Variants in LRRC28 observed in about 807,000 individuals in gnomAD.
The protein encoded by LRRC28 is leucine-rich repeat-containing protein 28.
LRRC28 carries 39 observed loss-of-function variants against 45.7 expected under a neutral mutation model. That is an observed-to-expected ratio of 0.85 (90% CI 0.66 to 1.12). The LOEUF is 1.12. Ranked by LOEUF, LRRC28 falls within the 50% of genes most tolerant of loss-of-function variation. The probability of loss-of-function intolerance (pLI) is 0.00; values close to 1 mark genes in which losing one functional copy is unlikely to be tolerated. For synonymous variants in LRRC28, 206 were observed against 178.8 expected (o/e 1.15, Z -1.22); for missense variants, 435 against 438.5 (o/e 0.99, Z 0.07).
At chr15:99,301,914 T>C (rs1393289368) in intron 5 of LRRC28, among the ~76,000 whole-genome samples, 1 of 152,198 alleles carries the variant, frequency 6.6e-6, no homozygotes, top group African/African-American at 2.4e-5. Context: ...ATTTACAATG[T>C]GTGTTCCATA....
intron 6 of LRRC28, among the ~76,000 whole-genome samples, chr15:99,338,954 A>G (rs183791833): frequency 1.3e-5 from 2 of 152,312 alleles, no homozygotes; most frequent in African/African-American, 4.8e-5. Flanking sequence ...AGAAGATTCT[A>G]CAGATAGAAG....
intron 9 of LRRC28, among the ~76,000 whole-genome samples, chr15:99,380,934 A>G (rs936095102): frequency 2.6e-5 from 4 of 152,136 alleles, no homozygotes; most frequent in Non-Finnish European, 4.4e-5. Context: ...TTTGTGGGTA[A>G]CCCGACCTTT....
chr15:99,266,211 G>A (rs6598231), intron 2 of LRRC28, among the ~76,000 whole-genome samples: 123,240 of 152,186 alleles, frequency 0.81, 50,131 homozygotes, highest in African/African-American at 0.9. Flanking sequence ...TTTCTTTCCT[G>A]TTAGCCCAGG....
chr15:99,377,624 A>G (rs1169205645), intron 9 of LRRC28, among the ~76,000 whole-genome samples: 1 of 152,044 alleles, frequency 6.6e-6, no homozygotes, highest in Non-Finnish European at 1.5e-5. Flanking sequence ...GCCCATGCCT[A>G]TGTCCTGAAT....
At chr15:99,271,753 C>T (rs1217731461) in intron 2 of LRRC28, among the ~76,000 whole-genome samples, 2 of 152,148 alleles carry the variant, frequency 1.3e-5, no homozygotes, top group African/African-American at 2.4e-5. Context: ...CATGCCACCA[C>T]GCCCGGCTAA....
intron 5 of LRRC28, among the ~76,000 whole-genome samples, chr15:99,312,412 C>T (rs924474170): frequency 2.6e-5 from 4 of 152,184 alleles, no homozygotes; most frequent in Non-Finnish European, 4.4e-5. Context: ...TCTTTTCCCA[C>T]CAGAAGGTCT....
rs1050158821 is a variant in LRRC28, at chr15:99,389,168, A to C, written c.*3066A>C. ...TCTCTTCTGGAAAAGTGAGGTGTAC[A>C]TTAAACATCTTTTGGTCACCGTGCC... On this transcript the variant is annotated 3_prime_UTR_variant, in exon 10 of 10. Coordinates refer to ENST00000301981, the MANE Select transcript of LRRC28 (RefSeq NM_144598.5). 3 of 152,230 alleles carry C rather than the reference A, an allele frequency of 2.0e-5. No homozygotes were observed. Among genetic ancestry groups the C allele is most frequent in the African/African-American group, 7.2e-5 (3 of 41,448 alleles). The allele number at this position is 152,230 out of a possible 1,614,324, so 9.4% of individuals were successfully genotyped here. A position where few individuals can be genotyped will look rare whatever the true frequency, so the allele number is the denominator to read the frequency against.
rs537236483 is a variant in LRRC28 at position 99,318,336 on chromosome 15, T to G, written c.386-15587T>G. Among the ~76,000 whole-genome samples, 5 of 152,234 alleles carry G rather than the reference T, an allele frequency of 3.3e-5. No homozygotes were observed. The South Asian group carries it at 1.0e-3, about 32-fold the overall frequency. ...AATTCTTAGCTAAAGTAAATACAAC[T>G]AATAAATAAAAATATAACAGGTGCT... On this transcript the variant is annotated intron_variant, in intron 5 of 9. Transcript: ENST00000301981.
At chr15:99,354,294 G>A (rs976286110) in intron 7 of LRRC28, among the ~76,000 whole-genome samples, 1 of 152,128 alleles carries the variant, frequency 6.6e-6, no homozygotes, top group African/African-American at 2.4e-5. Context: ...ATACTTCTAT[G>A]GCAAAATGTG....
In LRRC28 at chr15:99,306,913, C is replaced by G. The variant is rs918562028; in HGVS notation, c.385+18962C>G. Among the ~76,000 whole-genome samples, 3 of 152,338 alleles carry G rather than the reference C, an allele frequency of 2.0e-5. No individual in the cohort carries two copies. In the South Asian group the frequency reaches 6.2e-4, roughly 32 times the overall value. On this transcript the variant is annotated intron_variant, in intron 5 of 9. Transcript: ENST00000301981. ...TGCTGGTGCGTCTTGTCTGGCACATCTTTGGTCCTTTTCGGGTCCATTGCC... is the reference window on the plus strand; with the variant it reads ...TGCTGGTGCGTCTTGTCTGGCACATGTTTGGTCCTTTTCGGGTCCATTGCC...
intron 5 of LRRC28, among the ~76,000 whole-genome samples, chr15:99,296,504 T>G (rs552201216): frequency 6.6e-6 from 1 of 152,298 alleles, no homozygotes; most frequent in East Asian, 1.9e-4. Flanking sequence ...TGATTACACA[T>G]CAGTCTGGTA....
intron 5 of LRRC28, among the ~76,000 whole-genome samples, chr15:99,326,824 T>C (rs887935485): frequency 3.3e-5 from 5 of 152,214 alleles, no homozygotes; most frequent in South Asian, 2.1e-4. Context: ...TTTGCACTTA[T>C]GTTCATGAGG....
At chr15:99,327,738 T>C (rs1371487505) in intron 5 of LRRC28, among the ~76,000 whole-genome samples, 2 of 152,084 alleles carry the variant, frequency 1.3e-5, no homozygotes, top group African/African-American at 2.4e-5. Flanking sequence ...TCTACTCTAA[T>C]TTTTATTATT....
chr15:99,301,143 A>C (rs1400007486), intron 5 of LRRC28, among the ~76,000 whole-genome samples: 2 of 152,228 alleles, frequency 1.3e-5, no homozygotes, highest in African/African-American at 4.8e-5. Flanking sequence ...CCAATAGCAT[A>C]GTTGAATATG....
chr15:99,273,814 T>C (rs2081547316), intron 2 of LRRC28, among the ~76,000 whole-genome samples: 1 of 152,190 alleles, frequency 6.6e-6, no homozygotes, highest in Non-Finnish European at 1.5e-5. Context: ...CCAGATATAG[T>C]ATTGGTATTA....
At chr15:99,257,938 A>G in intron 2 of LRRC28, 1 of 773,254 alleles carries the variant, frequency 1.3e-6, no homozygotes, top group Non-Finnish European at 2.4e-6. Flanking sequence ...TTCCTTAGAG[A>G]ACTGATTCTG....
chr15:99,301,199 T>G (rs2152243570), intron 5 of LRRC28, among the ~76,000 whole-genome samples: 1 of 152,280 alleles, frequency 6.6e-6, no homozygotes, highest in Admixed American at 6.5e-5. Context: ...AATCTAAGAG[T>G]CAAATATTTG....
At chr15:99,357,374 C>T (rs1171912096) in intron 7 of LRRC28, among the ~76,000 whole-genome samples, 1 of 152,164 alleles carries the variant, frequency 6.6e-6, no homozygotes, top group Non-Finnish European at 1.5e-5. Flanking sequence ...ACACTACAAA[C>T]AGCCCAAATG....
intron 2 of LRRC28, among the ~76,000 whole-genome samples, chr15:99,263,735 C>T (rs561113027): frequency 2.0e-5 from 3 of 152,142 alleles, no homozygotes; most frequent in South Asian, 2.1e-4. Flanking sequence ...TGTATGACAC[C>T]GAAGACTGAC....
Sources: allele counts gnomAD v4.1 joint callset (sites outside exome capture counted in the v4.1 genomes callset), GRCh38; gene constraint gnomAD v4.1.1; transcripts MANE v1.5; gene names NCBI Gene and HGNC (gene_info 2026-07-23, HGNC 2026-07-21).